Variants in C16orf82 observed in about 807,000 individuals in gnomAD.
C16orf82 encodes the protein protein TNT.
For missense variants in C16orf82, 176 were observed against 206.1 expected (o/e 0.85, Z 0.89); for synonymous variants, 82 against 85.5 (o/e 0.96, Z 0.22).
Position 27,067,549 on chromosome 16 carries a change from G to A in C16orf82, c.*89G>A. 1.0e-6 allele frequency: 1 copy of A among 974,046 alleles called. No individual in the cohort carries two copies. The highest frequency in any genetic ancestry group is 1.4e-6 in the Non-Finnish European group (1 of 730,568). The allele number at this position is 974,046 out of a possible 1,614,324, so 60.3% of individuals were successfully genotyped here. Reference sequence around the variant, plus strand: ...GGGCAGCAGTGCCCTCACCTACAAGGTGAGCAGCGGGCTGCTGACTTCCAC... The same window carrying A: ...GGGCAGCAGTGCCCTCACCTACAAGATGAGCAGCGGGCTGCTGACTTCCAC... On this transcript the variant is annotated 3_prime_UTR_variant, in exon 1 of 1. Transcript: ENST00000505035.
Position 27,067,190 on chromosome 16 carries a change from G to C in C16orf82, c.195G>C (p.Gln65His). The change falls in exon 1 of 1, where the codon CAG becomes CAC. Residue 65 changes from glutamine (Q) to histidine (H), a missense_variant. Coordinates refer to ENST00000505035, the MANE Select transcript of C16orf82 (RefSeq NM_001145545.2). ...CCAGCAGCTACCTCAGTGACACCCA[G>C]AGCAGCGAGAGTCATGTTTCCAGCG... 1 of 1,366,800 alleles carries C rather than the reference G, an allele frequency of 7.3e-7. No homozygotes were observed. Among genetic ancestry groups the C allele is most frequent in the Non-Finnish European group, 9.8e-7 (1 of 1,021,526 alleles). 84.7% of individuals were successfully genotyped at this position (1,366,800 alleles called of 1,614,324 possible).
chr16:27,067,650 C>A lies in C16orf82; in HGVS notation c.*190C>A. The A allele has an allele frequency of 2.5e-6, 1 of 401,652 alleles. No homozygotes were observed. Among genetic ancestry groups the A allele is most frequent in the Non-Finnish European group, 4.8e-6 (1 of 209,450 alleles). 24.9% of individuals were successfully genotyped at this position (401,652 alleles called of 1,614,324 possible). A position where few individuals can be genotyped will look rare whatever the true frequency, so the allele number is the denominator to read the frequency against. On this transcript the variant is annotated 3_prime_UTR_variant, in exon 1 of 1. Transcript: ENST00000505035. The stretch of plus-strand genomic sequence containing the variant: ...ATGGCAGTGCCCAAAACAGGCAGAG[C>A]AGCCACACCAGCGTGCAGGAGGACA...
At position 27,069,140 on chromosome 16, in the gene C16orf82, G is replaced by T; in HGVS notation, c.*1680G>T. 6.1e-6 allele frequency: 1 copy of T among 165,018 alleles called. No individual in the cohort carries two copies. 10.2% of individuals were successfully genotyped at this position (165,018 alleles called of 1,614,324 possible). A position where few individuals can be genotyped will look rare whatever the true frequency, so the allele number is the denominator to read the frequency against. ...GAAGGAAAGCTGAGGGGGCAGCAAA[G>T]ACAATAAAAGGTGTCTAGAGAGGTC... On this transcript the variant is annotated 3_prime_UTR_variant, in exon 1 of 1. Transcript: ENST00000505035.
Position 27,068,807 on chromosome 16 carries a change from T to C in C16orf82, c.*1347T>C, listed in dbSNP as rs1200156626. The C allele has an allele frequency of 3.0e-5, 5 of 166,674 alleles. No individual in the cohort carries two copies. The Admixed American group carries it at 3.3e-4, about 11-fold the overall frequency. The allele number at this position is 166,674 out of a possible 1,614,324, so 10.3% of individuals were successfully genotyped here. On this transcript the variant is annotated 3_prime_UTR_variant, in exon 1 of 1. Transcript: ENST00000505035. ...CAAAGGCTTCCTGATGCCTCATTCA[T>C]GTCAAGAAAGGAGGCCAGGAGCCAT... is the stretch of plus-strand genomic sequence containing the variant.
rs1236802919 is a variant in C16orf82 at position 27,068,734 on chromosome 16, C to G, written c.*1274C>G. ...AAGCGTCCTTTTTTTTTTTTTTTTCCTTTGAGTGCTGTCTCTGGACATCTT... is the reference window on the plus strand; with the variant it reads ...AAGCGTCCTTTTTTTTTTTTTTTTCGTTTGAGTGCTGTCTCTGGACATCTT... On this transcript the variant is annotated 3_prime_UTR_variant, in exon 1 of 1. Coordinates refer to ENST00000505035, the MANE Select transcript of C16orf82 (RefSeq NM_001145545.2). The G allele has an allele frequency of 6.3e-6, 1 of 157,604 alleles. No homozygotes were observed. The highest frequency in any genetic ancestry group is 1.5e-5 in the Non-Finnish European group (1 of 66,996). The allele number at this position is 157,604 out of a possible 1,614,324, so 9.8% of individuals were successfully genotyped here.
chr16:27,067,281 G>A lies in C16orf82; in HGVS notation c.286G>A (p.Glu96Lys). 7.3e-7 allele frequency: 1 copy of A among 1,363,502 alleles called. No individual in the cohort carries two copies. Among genetic ancestry groups the A allele is most frequent in the South Asian group, 1.1e-5 (1 of 87,168 alleles). 84.5% of individuals were successfully genotyped at this position (1,363,502 alleles called of 1,614,324 possible). ...GAGCAGCGGGTACGCAGGGGACAAG[G>A]AGGGCAGCGACATCAGCTTGGTGGG... Residue 96 changes from glutamate to lysine, a missense_variant, in exon 1 of 1, where the codon GAG becomes AAG. Glu to Lys is a moderately conservative substitution (Grantham distance 56, BLOSUM62 1). Transcript: ENST00000505035.
chr16:27,067,884 C>A lies in C16orf82; in HGVS notation c.*424C>A, dbSNP rs767822820. 1 of 243,454 alleles carries A rather than the reference C, an allele frequency of 4.1e-6. No individual in the cohort carries two copies. The highest frequency in any genetic ancestry group is 6.7e-5 in the South Asian group (1 of 14,828). 15.1% of individuals were successfully genotyped at this position (243,454 alleles called of 1,614,324 possible). ...CAAAAGCACACACTGACTGTGTCAA[C>A]CATCAGTGGGTAATCCCATTTGTAG... On this transcript the variant is annotated 3_prime_UTR_variant, in exon 1 of 1. Transcript: ENST00000505035.
rs769143588 is a variant in C16orf82 at position 27,068,990 on chromosome 16, C to T, written c.*1530C>T. 6.0e-6 allele frequency: 1 copy of T among 166,576 alleles called. No homozygotes were observed. Among genetic ancestry groups the T allele is most frequent in the Admixed American group, 6.6e-5 (1 of 15,228 alleles). The allele number at this position is 166,576 out of a possible 1,614,324, so 10.3% of individuals were successfully genotyped here. On this transcript the variant is annotated 3_prime_UTR_variant, in exon 1 of 1. Transcript: ENST00000505035. Reference sequence around the variant, plus strand: ...TCTCGGTGGATGGGAAAGCCGAAGTCTCTGCCCGTCTCTTACTGGAGGCAC... The same window carrying T: ...TCTCGGTGGATGGGAAAGCCGAAGTTTCTGCCCGTCTCTTACTGGAGGCAC...
At position 27,067,852 on chromosome 16, in the gene C16orf82, G is replaced by A. The variant is rs1045295797; in HGVS notation, c.*392G>A. 1.2e-5 allele frequency: 3 copies of A among 257,924 alleles called. No homozygotes were observed. Among genetic ancestry groups the A allele is most frequent in the African/African-American group, 6.8e-5 (3 of 44,274 alleles). 16.0% of individuals were successfully genotyped at this position (257,924 alleles called of 1,614,324 possible). A position where few individuals can be genotyped will look rare whatever the true frequency, so the allele number is the denominator to read the frequency against. ...GATATTCCCAAAACAAGTAGGAAAG[G>A]TGTTTTCAAAAGCACACACTGACTG... is the stretch of plus-strand genomic sequence containing the variant. On this transcript the variant is annotated 3_prime_UTR_variant, in exon 1 of 1. Coordinates refer to ENST00000505035, the MANE Select transcript of C16orf82 (RefSeq NM_001145545.2).
rs115953719 is a variant in C16orf82, at chr16:27,069,020, C to T, written c.*1560C>T. The T allele has an allele frequency of 6.0e-6, 1 of 166,976 alleles. No homozygotes were observed. Among genetic ancestry groups the T allele is most frequent in the Non-Finnish European group, 1.5e-5 (1 of 68,114 alleles). The allele number at this position is 166,976 out of a possible 1,614,324, so 10.3% of individuals were successfully genotyped here. On this transcript the variant is annotated 3_prime_UTR_variant, in exon 1 of 1. Transcript: ENST00000505035. The stretch of plus-strand genomic sequence containing the variant: ...CCCGTCTCTTACTGGAGGCACTAAA[C>T]CCCCTCCCTGGGTTGACCTCACAGA...
rs758225169 is a variant in C16orf82 at position 27,067,441 on chromosome 16, A to T, written c.446A>T (p.Gln149Leu). ...ACTGGCCCCGCCCACAGCACCAAGC[A>T]GACTGGAGGGAAAGAGTGAGGCCAG... The change falls in exon 1 of 1, where the codon CAG becomes CTG. Residue 149 changes from glutamine (Q) to leucine (L), a missense_variant. By Grantham distance (113) the Gln-to-Leu change is moderately radical (BLOSUM62 -2). Transcript: ENST00000505035. 5 of 1,329,446 alleles carry T rather than the reference A, an allele frequency of 3.8e-6. No individual in the cohort carries two copies. Among genetic ancestry groups the T allele is most frequent in the Non-Finnish European group, 3.0e-6 (3 of 1,004,104 alleles). The allele number at this position is 1,329,446 out of a possible 1,614,324, so 82.4% of individuals were successfully genotyped here.
At position 27,068,264 on chromosome 16, in the gene C16orf82, T is replaced by C. The variant is rs1900428609; in HGVS notation, c.*804T>C. 6.0e-6 allele frequency: 1 copy of C among 167,186 alleles called. No homozygotes were observed. Among genetic ancestry groups the C allele is most frequent in the African/African-American group, 2.4e-5 (1 of 41,426 alleles). 10.4% of individuals were successfully genotyped at this position (167,186 alleles called of 1,614,324 possible). A position where few individuals can be genotyped will look rare whatever the true frequency, so the allele number is the denominator to read the frequency against. ...TTAAGAACTGTCACGAGTTAGAACCTTCCATGATGAAACCATCCTAAATGA... is the reference window on the plus strand; with the variant it reads ...TTAAGAACTGTCACGAGTTAGAACCCTCCATGATGAAACCATCCTAAATGA... On this transcript the variant is annotated 3_prime_UTR_variant, in exon 1 of 1. Transcript: ENST00000505035.
At position 27,068,323 on chromosome 16, in the gene C16orf82, GAGCT is replaced by G. The variant is rs1900430392; in HGVS notation, c.*864_*867del. 6.0e-6 allele frequency: 1 copy of G among 167,238 alleles called. No individual in the cohort carries two copies. Among genetic ancestry groups the G allele is most frequent in the African/African-American group, 2.4e-5 (1 of 41,466 alleles). 10.4% of individuals were successfully genotyped at this position (167,238 alleles called of 1,614,324 possible). On this transcript the variant is annotated 3_prime_UTR_variant, in exon 1 of 1. Coordinates refer to ENST00000505035, the MANE Select transcript of C16orf82 (RefSeq NM_001145545.2). ...ATCTGCAACCAACACCAGCCACGAT[GAGCT>G]CAGAAGAAACAAGCTGCAACCATGG...
In C16orf82 at chr16:27,066,963, C is replaced by G. The variant is rs747495136; in HGVS notation, c.-33C>G. 4.5e-6 allele frequency: 6 copies of G among 1,347,760 alleles called. No individual in the cohort carries two copies. Among genetic ancestry groups the G allele is most frequent in the Admixed American group, 3.8e-5 (2 of 52,558 alleles). 83.5% of individuals were successfully genotyped at this position (1,347,760 alleles called of 1,614,324 possible). On this transcript the variant is annotated 5_prime_UTR_variant, in exon 1 of 1. Transcript: ENST00000505035. ...CACCTCTCCCCAGAGAGGTCACAGCCAACATTCAGAGGCCTCCCAGGGCCC... is the reference window on the plus strand; with the variant it reads ...CACCTCTCCCCAGAGAGGTCACAGCGAACATTCAGAGGCCTCCCAGGGCCC...
rs1900413598 is a variant in C16orf82 at position 27,067,590 on chromosome 16, C to A, written c.*130C>A. On this transcript the variant is annotated 3_prime_UTR_variant, in exon 1 of 1. Coordinates refer to ENST00000505035, the MANE Select transcript of C16orf82 (RefSeq NM_001145545.2). ...TGACTTCCACAGCCAGCCTTCCCTC[C>A]ACCCAGGCCAGCAGCCGTCAGAGCG... 5.7e-6 allele frequency: 4 copies of A among 696,906 alleles called. No individual in the cohort carries two copies. Among genetic ancestry groups the A allele is most frequent in the Non-Finnish European group, 4.2e-6 (2 of 479,706 alleles). 43.2% of individuals were successfully genotyped at this position (696,906 alleles called of 1,614,324 possible).
In C16orf82 at chr16:27,067,313, C is replaced by G; in HGVS notation, c.318C>G (p.His106Gln). ...GCGACATCAGCTTGGTGGGCAGCCA[C>G]CGGAGAGTGCGGCTGAACAGAAGGC... Residue 106 changes from histidine (H) to glutamine (Q), a missense_variant, in exon 1 of 1, where the codon CAC becomes CAG. By Grantham distance (24) the His-to-Gln change is conservative. Transcript: ENST00000505035. The G allele has an allele frequency of 2.2e-6, 3 of 1,357,490 alleles. No homozygotes were observed. The highest frequency in any genetic ancestry group is 2.9e-6 in the Non-Finnish European group (3 of 1,017,430). The allele number at this position is 1,357,490 out of a possible 1,614,324, so 84.1% of individuals were successfully genotyped here. A position where few individuals can be genotyped will look rare whatever the true frequency, so the allele number is the denominator to read the frequency against.
In C16orf82 at chr16:27,067,236, G is replaced by A. The variant is rs1261084000; in HGVS notation, c.241G>A (p.Glu81Lys). The change falls in exon 1 of 1, where the codon GAG (glutamate) becomes AAG (lysine). Residue 81 changes from glutamate to lysine, a missense_variant. Physicochemically the swap from Glu to Lys is moderately conservative, Grantham distance 56. Transcript: ENST00000505035. ...CAGCGTGCAGCACCCGAGGCCAGAG[G>A]AGGGCAGCCATGCCAGCCTGAGCAG... 7.3e-7 allele frequency: 1 copy of A among 1,366,094 alleles called. No individual in the cohort carries two copies. The highest frequency in any genetic ancestry group is 9.8e-7 in the Non-Finnish European group (1 of 1,021,446). The allele number at this position is 1,366,094 out of a possible 1,614,324, so 84.6% of individuals were successfully genotyped here.
chr16:27,067,507 G>T lies in C16orf82; in HGVS notation c.*47G>T. The T allele has an allele frequency of 4.0e-6, 5 of 1,247,276 alleles. No homozygotes were observed. Among genetic ancestry groups the T allele is most frequent in the Non-Finnish European group, 5.2e-6 (5 of 956,664 alleles). The allele number at this position is 1,247,276 out of a possible 1,614,324, so 77.3% of individuals were successfully genotyped here. A position where few individuals can be genotyped will look rare whatever the true frequency, so the allele number is the denominator to read the frequency against. On this transcript the variant is annotated 3_prime_UTR_variant, in exon 1 of 1. Coordinates refer to ENST00000505035, the MANE Select transcript of C16orf82 (RefSeq NM_001145545.2). ...CAGCGGCAGCAGCATCCTGTCCAGC[G>T]CCAGCTTCATCAGCTTGGGCAGCAG... is the stretch of plus-strand genomic sequence containing the variant.
Position 27,067,223 on chromosome 16 carries a change from C to G in C16orf82, c.228C>G (p.His76Gln). ...AGAGTCATGTTTCCAGCGTGCAGCACCCGAGGCCAGAGGAGGGCAGCCATG... is the reference window on the plus strand; with the variant it reads ...AGAGTCATGTTTCCAGCGTGCAGCAGCCGAGGCCAGAGGAGGGCAGCCATG... Residue 76 changes from histidine (H) to glutamine (Q), a missense_variant, in exon 1 of 1, where the codon CAC (histidine) becomes CAG (glutamine). By Grantham distance (24) the His-to-Gln change is conservative (BLOSUM62 0). Transcript: ENST00000505035. 1 of 1,366,394 alleles carries G rather than the reference C, an allele frequency of 7.3e-7. No individual in the cohort carries two copies. Among genetic ancestry groups the G allele is most frequent in the Non-Finnish European group, 9.8e-7 (1 of 1,021,486 alleles). 84.6% of individuals were successfully genotyped at this position (1,366,394 alleles called of 1,614,324 possible).
Sources: gnomAD v4.1 joint callset for allele counts on GRCh38, gnomAD v4.1.1 for gene constraint, MANE v1.5 for transcripts, NCBI Gene and HGNC (gene_info 2026-07-23, HGNC 2026-07-21) for gene names.